Variants in ITPR1 observed in about 807,000 individuals in gnomAD.
ITPR1 encodes the protein inositol 1,4,5-trisphosphate receptor type 1.
A neutral mutation model predicts 318.4 loss-of-function variants in ITPR1; 96 were observed. That is an observed-to-expected ratio of 0.30 (90% CI 0.26 to 0.36). The LOEUF is 0.36. Ranked by LOEUF, ITPR1 falls within the 10% of genes least tolerant of loss-of-function variation. The pLI is 1.00. For synonymous variants in ITPR1, 1,312 were observed against 1,289.9 expected, an observed-to-expected ratio of 1.02 and a Z score of -0.37; for missense variants, 2,440 against 3,460.2, an observed-to-expected ratio of 0.71 and a Z score of 7.40.
Position 4,639,476 on chromosome 3 carries a change from T to A in ITPR1, c.366+6T>A, listed in dbSNP as rs1559591437. On this transcript the variant is annotated splice_donor_region_variant and intron_variant, in intron 6 of 61. Transcript: ENST00000649015. The stretch of plus-strand genomic sequence containing the variant: ...AGTATGGCAATGTGATCCAGGTAGG[T>A]CAAGGCAGCTCTTCCCTTCTGAAGC... The A allele has an allele frequency of 1.3e-6, 2 of 1,558,922 alleles. No homozygotes were observed. The highest frequency in any genetic ancestry group is 1.7e-6 in the Non-Finnish European group (2 of 1,145,838).
At chr3:4,813,264 T>G in intron 57 of ITPR1, 30 bp downstream of exon 57, 1 of 1,501,522 alleles carries the variant, frequency 6.7e-7, no homozygotes, top group Non-Finnish European at 9.2e-7. Flanking sequence ...AGCCCCATGT[T>G]AATATCGGAC....
chr3:4,768,074 G>A (rs998518193), intron 45 of ITPR1, among the ~76,000 whole-genome samples: 2 of 152,212 alleles, frequency 1.3e-5, no homozygotes, highest in South Asian at 2.1e-4. Context: ...CACACACAAA[G>A]TTCTTCATCA....
At chr3:4,603,543 C>T (rs1273953379) in intron 4 of ITPR1, among the ~76,000 whole-genome samples, 8 of 152,152 alleles carry the variant, frequency 5.3e-5, no homozygotes, top group Admixed American at 5.2e-4. Context: ...AATTCTCCTG[C>T]CTCAGCCTCC....
chr3:4,775,315 T>A lies in ITPR1; in HGVS notation c.6053T>A (p.Ile2018Asn), dbSNP rs2046419998. 6.2e-7 allele frequency: 1 copy of A among 1,613,850 alleles called. No homozygotes were observed. Among genetic ancestry groups the A allele is most frequent in the Non-Finnish European group, 8.5e-7 (1 of 1,179,826 alleles). Residue 2018 changes from isoleucine (I) to asparagine (N), a missense_variant, in exon 47 of 62, where the codon ATT becomes AAT. Around this residue, in one of 23 missense-constraint regions of ITPR1, gnomAD observed 76 missense variants for 162.1 expected, o/e 0.47. Transcript: ENST00000649015. ...VCETLQFLDC[I>N]CGSTTGGLGL... Reference sequence around the variant, plus strand: ...GAGACCCTGCAGTTTCTGGACTGTATTTGTGGAAGCACAACTGGAGGCCTT... The same window carrying A: ...GAGACCCTGCAGTTTCTGGACTGTAATTGTGGAAGCACAACTGGAGGCCTT...
intron 2 of ITPR1, among the ~76,000 whole-genome samples, chr3:4,505,231 C>T (rs534237558): frequency 1.3e-5 from 2 of 152,128 alleles, no homozygotes; most frequent in African/African-American, 2.4e-5. Context: ...TCTCATCTGT[C>T]GCCCAGGCTG....
intron 55 of ITPR1, among the ~76,000 whole-genome samples, chr3:4,808,825 G>A (rs983288413): frequency 6.6e-6 from 1 of 152,176 alleles, no homozygotes; most frequent in South Asian, 2.1e-4. Flanking sequence ...CGGAAGGTAG[G>A]GAGGGTGATC....
At chr3:4,722,638 A>T (rs944096319) in intron 40 of ITPR1, among the ~76,000 whole-genome samples, 1 of 152,182 alleles carries the variant, frequency 6.6e-6, no homozygotes, top group African/African-American at 2.4e-5. Flanking sequence ...AAATAACCTT[A>T]TCCTCAAGGA....
At chr3:4,798,808 T>G (rs562483443) in intron 53 of ITPR1, among the ~76,000 whole-genome samples, 2 of 152,210 alleles carry the variant, frequency 1.3e-5, no homozygotes, top group African/African-American at 4.8e-5. Context: ...AAAAACTTGC[T>G]CAGTGAAAGA....
chr3:4,640,466 C>G (rs534466424), intron 6 of ITPR1, among the ~76,000 whole-genome samples: 12 of 152,270 alleles, frequency 7.9e-5, no homozygotes, highest in African/African-American at 2.9e-4. Context: ...TCAGAATGGA[C>G]ACAGGTGTCC....
intron 44 of ITPR1, among the ~76,000 whole-genome samples, chr3:4,739,798 C>T (rs2043565075): frequency 6.6e-6 from 1 of 152,146 alleles, no homozygotes; most frequent in African/African-American, 2.4e-5. Flanking sequence ...GGTCTGCAAC[C>T]ATCAGGGGGT....
intron 12 of ITPR1, among the ~76,000 whole-genome samples, chr3:4,657,369 G>A (rs1012024344): frequency 6.7e-6 from 1 of 149,542 alleles, no homozygotes; most frequent in African/African-American, 2.5e-5. Flanking sequence ...TAGCTCCTGC[G>A]GATGGATGTA....
chr3:4,565,963 T>G (rs1490571191), intron 4 of ITPR1, among the ~76,000 whole-genome samples: 1 of 152,232 alleles, frequency 6.6e-6, no homozygotes, highest in African/African-American at 2.4e-5. Context: ...ACCTAAGGTT[T>G]GTGCCAGGAA....
At position 4,518,605 on chromosome 3, in the gene ITPR1, A is replaced by T. The variant is rs551027487; in HGVS notation, c.92+2022A>T. On this transcript the variant is annotated intron_variant, in intron 3 of 61. Transcript: ENST00000649015. ...GTGAGTGAGTGCCAGTCGTTATGGGACTCACTGTGTAGCACTCCAGCCCCA... is the reference window on the plus strand; with the variant it reads ...GTGAGTGAGTGCCAGTCGTTATGGGTCTCACTGTGTAGCACTCCAGCCCCA... Among the ~76,000 whole-genome samples, 12 of 152,018 alleles carry T rather than the reference A, an allele frequency of 7.9e-5. No individual in the cohort carries two copies. In the South Asian group the frequency reaches 2.5e-3, roughly 32 times the overall value.
At chr3:4,610,641 G>C (rs1487817064) in intron 4 of ITPR1, among the ~76,000 whole-genome samples, 3 of 152,106 alleles carry the variant, frequency 2.0e-5, no homozygotes, top group South Asian at 2.1e-4. Context: ...GAGAGGTACT[G>C]AGGATGTAGA....
At chr3:4,725,108 A>G (rs578139660) in intron 40 of ITPR1, among the ~76,000 whole-genome samples, 1 of 152,046 alleles carries the variant, frequency 6.6e-6, no homozygotes, top group South Asian at 2.1e-4. Context: ...TGGCACGTGG[A>G]ACTTTCCCAA....
intron 5 of ITPR1, among the ~76,000 whole-genome samples, chr3:4,638,779 C>T (rs1197215963): frequency 6.6e-6 from 1 of 152,048 alleles, no homozygotes; most frequent in Non-Finnish European, 1.5e-5. Context: ...GTTCTTTTCA[C>T]GGAATGATTA....
intron 35 of ITPR1, among the ~76,000 whole-genome samples, chr3:4,702,086 C>A (rs1422912398): frequency 6.6e-6 from 1 of 152,060 alleles, no homozygotes; most frequent in East Asian, 1.9e-4. Context: ...CCAAAGCTAC[C>A]CTTTGAATGG....
chr3:4,789,465 G>A (rs1023871029), intron 52 of ITPR1, among the ~76,000 whole-genome samples: 1 of 152,152 alleles, frequency 6.6e-6, no homozygotes, highest in African/African-American at 2.4e-5. Context: ...ACTCCAAAAG[G>A]GAGACATAGA....
chr3:4,735,486 T>C, intron 44 of ITPR1, 132 bp downstream of exon 44: 1 of 695,110 alleles, frequency 1.4e-6, no homozygotes, highest in Non-Finnish European at 2.5e-6. Flanking sequence ...CAAAATTCTG[T>C]TTTGAAAAAT....
Sources: allele counts gnomAD v4.1 joint callset (sites outside exome capture counted in the v4.1 genomes callset), GRCh38; gene constraint gnomAD v4.1.1; regional missense constraint gnomAD v4.1.1; transcripts MANE v1.5; gene names NCBI Gene and HGNC (gene_info 2026-07-23, HGNC 2026-07-21).